GRB10: variants seen among roughly 807,000 people sequenced by gnomAD.
GRB10 encodes growth factor receptor-bound protein 10.
In GRB10, 20 loss-of-function variants were observed where a neutral mutation model predicts 80.9. That is an observed-to-expected ratio of 0.25 (90% CI 0.17 to 0.36). The LOEUF (loss-of-function observed/expected upper bound fraction) is 0.36. GRB10 is among the 10% of genes least tolerant of loss of function. The pLI is 1.00. For missense variants in GRB10, 548 were observed against 747.7 expected (o/e 0.73, Z 3.12); for synonymous variants, 291 against 291.5 (o/e 1.00, Z 0.02).
intron 12 of GRB10, among the ~76,000 whole-genome samples, chr7:50,613,528 G>C (rs1053703482): frequency 6.6e-6 from 1 of 152,136 alleles, no homozygotes; most frequent in African/African-American, 2.4e-5. Flanking sequence ...AAGAACCCCC[G>C]ACCTCAGACT....
At chr7:50,624,876 T>C (rs1319111643) in intron 8 of GRB10, among the ~76,000 whole-genome samples, 1 of 152,152 alleles carries the variant, frequency 6.6e-6, no homozygotes, top group East Asian at 1.9e-4. Context: ...TTCCTCTTTT[T>C]TTTTTAATCA....
chr7:50,713,876 GCTC>G (rs1306332373), intron 4 of GRB10, among the ~76,000 whole-genome samples: 8 of 148,546 alleles, frequency 5.4e-5, no homozygotes, highest in South Asian at 2.2e-4. Flanking sequence ...CTCACCTCTA[GCTC>G]CTCCTCCTCC....
upstream of GRB10, among the ~76,000 whole-genome samples, chr7:50,784,279 C>T (rs1470823933): frequency 1.3e-5 from 2 of 152,236 alleles, no homozygotes; most frequent in African/African-American, 4.8e-5. Context: ...AATTATGTAA[C>T]TTATCCAAAG....
At chr7:50,647,633 C>G (rs1373903206) in intron 7 of GRB10, among the ~76,000 whole-genome samples, 1 of 152,214 alleles carries the variant, frequency 6.6e-6, no homozygotes, top group Non-Finnish European at 1.5e-5. Flanking sequence ...AAACATTCAG[C>G]AAAGGGCTGC....
chr7:50,756,215 A>T (rs536257971), intron 2 of GRB10, among the ~76,000 whole-genome samples, 159 bp from the exon 3 acceptor site: 16 of 152,344 alleles, frequency 1.1e-4, no homozygotes, highest in African/African-American at 3.8e-4. Context: ...CAAGGACGTG[A>T]CTAAGTAAGA....
At chr7:50,771,911 C>T (rs559411962) in intron 2 of GRB10, among the ~76,000 whole-genome samples, 1 of 152,342 alleles carries the variant, frequency 6.6e-6, no homozygotes, top group African/African-American at 2.4e-5. Flanking sequence ...ATTGTTTCAA[C>T]TCATGAGTCA....
chr7:50,711,333 G>C (rs76700318), intron 4 of GRB10, among the ~76,000 whole-genome samples: 5 of 145,774 alleles, frequency 3.4e-5, no homozygotes, highest in Middle Eastern at 3.5e-3. Context: ...AATCCTACAC[G>C]ACCCACCATC....
At chr7:50,633,173 GCCT>G (rs909458209) in intron 7 of GRB10, among the ~76,000 whole-genome samples, 1 of 152,192 alleles carries the variant, frequency 6.6e-6, no homozygotes, top group Non-Finnish European at 1.5e-5. Context: ...GATGAGATAA[GCCT>G]CCTGAAACCT....
intron 2 of GRB10, among the ~76,000 whole-genome samples, chr7:50,773,538 G>A (rs181751380): frequency 0.011 from 1,589 of 150,398 alleles, 14 homozygotes; most frequent in Non-Finnish European, 0.014. Context: ...GACAGGAAAC[G>A]AAAAATGCCA....
chr7:50,673,295 C>T (rs192713585), intron 6 of GRB10, among the ~76,000 whole-genome samples: 78 of 152,288 alleles, frequency 5.1e-4, no homozygotes, highest in African/African-American at 1.3e-3. Flanking sequence ...CAGGGTCCCA[C>T]GGAGCCCCAC....
At chr7:50,635,231 T>C (rs946307973) in intron 7 of GRB10, among the ~76,000 whole-genome samples, 9 of 152,104 alleles carry the variant, frequency 5.9e-5, no homozygotes, top group African/African-American at 2.2e-4. Context: ...CATAAGGAAC[T>C]CTCAAAACTG....
At chr7:50,634,110 G>A (rs2054504997) in intron 7 of GRB10, among the ~76,000 whole-genome samples, 1 of 152,166 alleles carries the variant, frequency 6.6e-6, no homozygotes, top group African/African-American at 2.4e-5. Context: ...AGGTCAACAT[G>A]AAAGAACAAA....
intron 7 of GRB10, among the ~76,000 whole-genome samples, chr7:50,661,262 T>C (rs1417080383): frequency 2.6e-5 from 4 of 152,240 alleles, no homozygotes; most frequent in African/African-American, 9.6e-5. Context: ...TAGTAAATAA[T>C]TGTATGCACA....
intron 5 of GRB10, among the ~76,000 whole-genome samples, chr7:50,689,500 T>C (rs1464028830): frequency 1.3e-5 from 2 of 151,684 alleles, no homozygotes; most frequent in Non-Finnish European, 2.9e-5. Flanking sequence ...GTAAGGGAAA[T>C]AGCTGGGGAT....
intron 2 of GRB10, among the ~76,000 whole-genome samples, chr7:50,777,033 A>C (rs2077730452): frequency 1.8e-5 from 1 of 55,550 alleles, no homozygotes; most frequent in African/African-American, 7.2e-5. Flanking sequence ...ACCCACTCTC[A>C]GTATCAATTT....
At chr7:50,605,921 A>C (rs1306013376) in intron 14 of GRB10, among the ~76,000 whole-genome samples, 1 of 152,216 alleles carries the variant, frequency 6.6e-6, no homozygotes, top group Non-Finnish European at 1.5e-5. Flanking sequence ...CCAGAACACA[A>C]GAGGAACGAT....
At chr7:50,726,428 G>C (rs931541477) in intron 4 of GRB10, among the ~76,000 whole-genome samples, 7 of 151,776 alleles carry the variant, frequency 4.6e-5, no homozygotes, top group African/African-American at 2.4e-5. Flanking sequence ...ATAATACATA[G>C]AAAATATGTG....
rs142656200 is a variant in GRB10, at chr7:50,712,486, T to C, written c.52-8578A>G. Among the ~76,000 whole-genome samples the C allele has an allele frequency of 2.5e-3, 375 of 152,178 alleles. 1 individual carries two copies. Among genetic ancestry groups the C allele is most frequent in the African/African-American group, 7.3e-3 (302 of 41,532 alleles). On this transcript the variant is annotated intron_variant, in intron 4 of 18. Coordinates refer to ENST00000401949, the MANE Select transcript of GRB10 (RefSeq NM_001350814.2). ...CAGGCTGCTGAGGCCAACATGAAAA[T>C]ATCTGGGCAAGCCCTGGTCAGAGTA...
chr7:50,733,203 A>G (rs1055163812), intron 3 of GRB10, among the ~76,000 whole-genome samples: 5 of 152,204 alleles, frequency 3.3e-5, no homozygotes, highest in African/African-American at 9.6e-5. Context: ...CCATGTCAGG[A>G]CACCTTGAGA....
Sources: allele counts gnomAD v4.1 joint callset (sites outside exome capture counted in the v4.1 genomes callset), GRCh38; gene constraint gnomAD v4.1.1; transcripts MANE v1.5; gene names NCBI Gene and HGNC (gene_info 2026-07-23, HGNC 2026-07-21).